Variants in FHIT observed in about 807,000 individuals in gnomAD.
FHIT encodes the protein fragile histidine triad diadenosine triphosphatase, also known as bis(5'-adenosyl)-triphosphatase.
In FHIT, 19 loss-of-function variants were observed where a neutral mutation model predicts 17.9. The ratio of observed to expected loss-of-function variants is 1.06; its 90% confidence interval spans 0.74 to 1.56. FHIT has a LOEUF of 1.56. FHIT is among the 40% of genes most tolerant of loss of function. The pLI, the probability that FHIT is intolerant of heterozygous loss-of-function variation, is 0.00. For synonymous variants in FHIT, 81 were observed against 69.7 expected (o/e 1.16, Z -0.81); for missense variants, 248 against 189.2 (o/e 1.31, Z -1.82).
chr3:60,436,655 A>G (rs1451970731), intron 5 of FHIT, among the ~76,000 whole-genome samples: 1 of 152,122 alleles, frequency 6.6e-6, no homozygotes, highest in Non-Finnish European at 1.5e-5. Context: ...TTATTAAATC[A>G]TGAATGTAAT....
At chr3:60,262,865 A>G (rs1456895589) in intron 5 of FHIT, among the ~76,000 whole-genome samples, 1 of 151,944 alleles carries the variant, frequency 6.6e-6, no homozygotes, top group African/African-American at 2.4e-5. Context: ...GATAAAAAAA[A>G]AAGACTTGGA....
intron 3 of FHIT, among the ~76,000 whole-genome samples, chr3:60,910,697 C>T (rs578187796): frequency 6.6e-6 from 1 of 152,302 alleles, no homozygotes; most frequent in South Asian, 2.1e-4. Context: ...CAGGCATGAG[C>T]CACCATGCCC....
At chr3:61,100,274 T>A (rs1196528273) in intron 2 of FHIT, among the ~76,000 whole-genome samples, 1 of 152,152 alleles carries the variant, frequency 6.6e-6, no homozygotes, top group Non-Finnish European at 1.5e-5. Context: ...AATGATCTCA[T>A]TGTTCAATTC....
chr3:61,225,383 A>G (rs1446535184), intron 1 of FHIT, among the ~76,000 whole-genome samples: 1 of 152,252 alleles, frequency 6.6e-6, no homozygotes. Context: ...TAACTGGATT[A>G]AATTGAAAAT....
intron 5 of FHIT, among the ~76,000 whole-genome samples, chr3:60,448,282 C>G (rs910728754): frequency 1.3e-5 from 2 of 152,062 alleles, no homozygotes; most frequent in African/African-American, 4.8e-5. Flanking sequence ...CACATCCTAA[C>G]CAATTAATTG....
At chr3:60,548,826 T>C (rs999542862) in intron 4 of FHIT, among the ~76,000 whole-genome samples, 6 of 152,194 alleles carry the variant, frequency 3.9e-5, no homozygotes, top group African/African-American at 1.2e-4. Flanking sequence ...TTGAGAACTT[T>C]CTCAAAAAAC....
At position 59,747,835 on chromosome 3, in the gene FHIT, G is replaced by T. The variant is rs1300750150; in HGVS notation, c.*1750C>A. 6.6e-6 allele frequency among the ~76,000 whole-genome samples: 1 copy of T among 152,080 alleles called. No individual in the cohort carries two copies. The highest frequency in any genetic ancestry group is 1.5e-5 in the Non-Finnish European group (1 of 68,000). On this transcript the variant is annotated 3_prime_UTR_variant, in exon 10 of 10. Coordinates refer to ENST00000492590, the MANE Select transcript of FHIT (RefSeq NM_002012.4). ...GGGTGGAAAGGAGTACTGGTTTAGG[G>T]TTGAAGCAAGTCTAAAGCCAGCTTG...
intron 5 of FHIT, among the ~76,000 whole-genome samples, chr3:60,250,570 T>C (rs1496652): frequency 0.25 from 38,697 of 152,064 alleles, 5,091 homozygotes; most frequent in South Asian, 0.33. Context: ...TTAGGGTCAA[T>C]TACAATTTAG....
At chr3:60,405,809 A>T (rs908345513) in intron 5 of FHIT, among the ~76,000 whole-genome samples, 1 of 152,242 alleles carries the variant, frequency 6.6e-6, no homozygotes, top group Non-Finnish European at 1.5e-5. Context: ...TGTACACAGC[A>T]GCCCCCAACG....
chr3:59,792,418 C>T (rs1241584516), intron 8 of FHIT, among the ~76,000 whole-genome samples: 5 of 152,182 alleles, frequency 3.3e-5, no homozygotes, highest in Admixed American at 2.6e-4. Flanking sequence ...AGTACACCCT[C>T]ACTGTGATCT....
chr3:60,763,209 T>G (rs1699720332), intron 4 of FHIT, among the ~76,000 whole-genome samples: 2 of 152,176 alleles, frequency 1.3e-5, no homozygotes, highest in Admixed American at 1.3e-4. Context: ...TGTGTTAAGT[T>G]ACAAAGCCCA....
chr3:60,133,631 A>G (rs2107274951), intron 5 of FHIT, among the ~76,000 whole-genome samples: 1 of 152,182 alleles, frequency 6.6e-6, no homozygotes, highest in African/African-American at 2.4e-5. Context: ...CAGGGGGCAG[A>G]GTCACCTACA....
intron 8 of FHIT, among the ~76,000 whole-genome samples, chr3:59,876,317 T>C (rs1244177308): frequency 1.3e-5 from 2 of 152,236 alleles, no homozygotes; most frequent in African/African-American, 4.8e-5. Flanking sequence ...GTGAATTTCA[T>C]GTGGCTTAAA....
At chr3:60,887,658 CA>C (rs1277435630) in intron 3 of FHIT, among the ~76,000 whole-genome samples, 13 of 149,798 alleles carry the variant, frequency 8.7e-5, no homozygotes, top group African/African-American at 3.2e-4. Flanking sequence ...AAACAAAAAA[CA>C]AAAAAAAAGA....
chr3:60,543,729 G>A (rs954305839), intron 4 of FHIT, among the ~76,000 whole-genome samples: 2 of 151,718 alleles, frequency 1.3e-5, no homozygotes, highest in African/African-American at 4.8e-5. Context: ...GGTTTCTGCT[G>A]ATTCTCTTTT....
At chr3:61,067,790 G>T (rs777600447) in intron 2 of FHIT, among the ~76,000 whole-genome samples, 9 of 152,114 alleles carry the variant, frequency 5.9e-5, no homozygotes, top group South Asian at 2.1e-4. Flanking sequence ...CTTTTATTTG[G>T]TATCTGCAGA....
intron 5 of FHIT, among the ~76,000 whole-genome samples, chr3:60,077,729 C>CTCACACATATATATATAT (rs1703086573): frequency 7.4e-5 from 5 of 67,188 alleles, no homozygotes; most frequent in African/African-American, 2.5e-4. Flanking sequence ...CACACACACA[C>CTCACACATATATATATAT]ATATATAGAG....
intron 2 of FHIT, among the ~76,000 whole-genome samples, chr3:61,113,952 A>G (rs1175725167): frequency 1.3e-5 from 2 of 152,156 alleles, no homozygotes; most frequent in Non-Finnish European, 2.9e-5. Flanking sequence ...ATCAAACAGG[A>G]AATAAACAAG....
chr3:60,744,258 C>CAAAAAAAAAAAAAAAAAA (rs371224955), intron 4 of FHIT, among the ~76,000 whole-genome samples: 3 of 95,636 alleles, frequency 3.1e-5, no homozygotes, highest in African/African-American at 4.1e-5. Flanking sequence ...AAAAAAAAAA[C>CAAAAAAAAAAAAAAAAAA]AAAACAAAAC....
Sources: allele counts gnomAD v4.1 joint callset (sites outside exome capture counted in the v4.1 genomes callset), GRCh38; gene constraint gnomAD v4.1.1; transcripts MANE v1.5; gene names NCBI Gene and HGNC (gene_info 2026-07-23, HGNC 2026-07-21).